ENDOD1: variants seen among roughly 807,000 people sequenced by gnomAD.
The protein encoded by ENDOD1 is endonuclease domain containing 1, also known as endonuclease domain-containing 1 protein.
A neutral mutation model predicts 6.5 loss-of-function variants in ENDOD1; 9 were observed. The ratio of observed to expected loss-of-function variants is 1.39; its 90% confidence interval spans 0.84 to 2.43. The LOEUF is 2.43. ENDOD1 is among the 30% of genes most tolerant of loss of function. The pLI is 0.00. For synonymous variants in ENDOD1, 255 were observed against 255.2 expected, an observed-to-expected ratio of 1.00 and a Z score of 0.01; for missense variants, 648 against 635.5, an observed-to-expected ratio of 1.02 and a Z score of -0.21.
At chr11:95,125,664 A>G (rs765726610) in intron 1 of ENDOD1, among the ~76,000 whole-genome samples, 12 of 147,204 alleles carry the variant, frequency 8.2e-5, no homozygotes, top group Admixed American at 2.1e-4. Context: ...TCATTGTTCA[A>G]TTCCCACCTA....
In ENDOD1 at chr11:95,130,386, G is replaced by A. The variant is rs1171219892; in HGVS notation, c.*807G>A. 6.6e-6 allele frequency: 1 copy of A among 151,896 alleles called. No homozygotes were observed. The highest frequency in any genetic ancestry group is 1.5e-5 in the Non-Finnish European group (1 of 68,012). The allele number at this position is 151,896 out of a possible 1,614,324, so 9.4% of individuals were successfully genotyped here. A position where few individuals can be genotyped will look rare whatever the true frequency, so the allele number is the denominator to read the frequency against. On this transcript the variant is annotated 3_prime_UTR_variant, in exon 2 of 2. Transcript: ENST00000278505. ...CCTCTCCGGTGGAAAGAAGAGAAGA[G>A]AAGGTGGACAGCCCTGCTCTTAGTA...
At chr11:95,112,196 A>G (rs1247434982) in intron 1 of ENDOD1, among the ~76,000 whole-genome samples, 1 of 152,196 alleles carries the variant, frequency 6.6e-6, no homozygotes, top group Non-Finnish European at 1.5e-5. Context: ...GCATGACCCT[A>G]GACAACTGAT....
intron 1 of ENDOD1, among the ~76,000 whole-genome samples, chr11:95,096,752 C>A (rs1433558180): frequency 6.6e-6 from 1 of 152,134 alleles, no homozygotes; most frequent in African/African-American, 2.4e-5. Flanking sequence ...TATTGAGCAT[C>A]TGCTATGTGT....
intron 1 of ENDOD1, among the ~76,000 whole-genome samples, chr11:95,098,065 A>G (rs1163718485): frequency 6.6e-6 from 1 of 152,148 alleles, no homozygotes; most frequent in African/African-American, 2.4e-5. Flanking sequence ...AAATGCTTTA[A>G]TGAGCATTTC....
chr11:95,125,591 C>A (rs1281500454), intron 1 of ENDOD1, among the ~76,000 whole-genome samples: 1 of 149,252 alleles, frequency 6.7e-6, no homozygotes, highest in Non-Finnish European at 1.5e-5. Flanking sequence ...TATCCCTCCC[C>A]CCTCCCCCAA....
At chr11:95,096,670 A>C (rs951332033) in intron 1 of ENDOD1, among the ~76,000 whole-genome samples, 2 of 152,178 alleles carry the variant, frequency 1.3e-5, no homozygotes, top group Admixed American at 1.3e-4. Flanking sequence ...ATTGACTTCC[A>C]GTTGGCAGGG....
chr11:95,106,218 A>G (rs1162543986), intron 1 of ENDOD1, among the ~76,000 whole-genome samples: 1 of 152,200 alleles, frequency 6.6e-6, no homozygotes, highest in Non-Finnish European at 1.5e-5. Flanking sequence ...TCTGGAAGAC[A>G]AAGGATGGAC....
At chr11:95,095,169 A>C (rs1858971781) in intron 1 of ENDOD1, among the ~76,000 whole-genome samples, 1 of 152,372 alleles carries the variant, frequency 6.6e-6, no homozygotes, top group Non-Finnish European at 1.5e-5. Flanking sequence ...TGCTTGGTGT[A>C]TGTCCCACAT....
At chr11:95,109,603 C>G (rs1200594016) in intron 1 of ENDOD1, among the ~76,000 whole-genome samples, 2 of 152,260 alleles carry the variant, frequency 1.3e-5, no homozygotes, top group African/African-American at 4.8e-5. Flanking sequence ...GCAGACTCCT[C>G]TGCTTTGTCT....
chr11:95,101,891 A>G (rs1358447129), intron 1 of ENDOD1, among the ~76,000 whole-genome samples: 2 of 152,240 alleles, frequency 1.3e-5, no homozygotes, highest in Admixed American at 6.5e-5. Context: ...CAGGACTTCA[A>G]ATATAAAGTC....
intron 1 of ENDOD1, among the ~76,000 whole-genome samples, chr11:95,124,508 C>G (rs1216394820): frequency 6.6e-6 from 1 of 152,014 alleles, no homozygotes; most frequent in Non-Finnish European, 1.5e-5. Context: ...ATATGAGGTT[C>G]TGAAGAAAGC....
At position 95,129,328 on chromosome 11, in the gene ENDOD1, T is replaced by C; in HGVS notation, c.1252T>C (p.Cys418Arg). The C allele has an allele frequency of 6.2e-7, 1 of 1,614,204 alleles. No individual in the cohort carries two copies. Among genetic ancestry groups the C allele is most frequent in the Non-Finnish European group, 8.5e-7 (1 of 1,180,036 alleles). Reference sequence around the variant, plus strand: ...CAGGGCTCTCCTCCGGATCCTTTGTTGTCTGCTGAAGGCCATTTGCCGAGT... The same window carrying C: ...CAGGGCTCTCCTCCGGATCCTTTGTCGTCTGCTGAAGGCCATTTGCCGAGT... The part of the protein sequence containing the change: ...VIRALLRILC[C>R]LLKAICRVLS... The change falls in exon 2 of 2, where the codon TGT (cysteine) becomes CGT (arginine). Residue 418 changes from cysteine to arginine, a missense_variant. Coordinates refer to ENST00000278505, the MANE Select transcript of ENDOD1 (RefSeq NM_015036.3).
intron 1 of ENDOD1, among the ~76,000 whole-genome samples, chr11:95,106,268 C>A (rs1859087984): frequency 6.6e-6 from 1 of 152,178 alleles, no homozygotes; most frequent in Non-Finnish European, 1.5e-5. Context: ...TGAGGCTTGG[C>A]ACCCAGATAG....
intron 1 of ENDOD1, among the ~76,000 whole-genome samples, chr11:95,121,755 T>C (rs1859263666): frequency 6.6e-6 from 1 of 152,196 alleles, no homozygotes; most frequent in South Asian, 2.1e-4. Context: ...TATTGTAAGA[T>C]TATTTATGGG....
chr11:95,109,931 C>G (rs1405494300), intron 1 of ENDOD1, among the ~76,000 whole-genome samples: 1 of 152,256 alleles, frequency 6.6e-6, no homozygotes, highest in African/African-American at 2.4e-5. Flanking sequence ...GGGTTCATAT[C>G]CACCACACCT....
At chr11:95,111,943 G>T (rs1363111618) in intron 1 of ENDOD1, among the ~76,000 whole-genome samples, 1 of 152,140 alleles carries the variant, frequency 6.6e-6, no homozygotes, top group Non-Finnish European at 1.5e-5. Flanking sequence ...CAAGGCCGAG[G>T]TCCTCTTTCT....
At position 95,090,083 on chromosome 11, in the gene ENDOD1, C is replaced by T; in HGVS notation, c.156C>T (p.His52=). ...TPPAGLAADS[H]VKICQRAEGA... The stretch of plus-strand genomic sequence containing the variant: ...CTGCGGGGCTGGCGGCCGATTCCCA[C>T]GTGAAGATCTGTCAGCGCGCGGAGG... Residue 52 remains histidine (H), a synonymous_variant, in exon 1 of 2, where the codon CAC becomes CAT. Transcript: ENST00000278505. 1 of 1,601,402 alleles carries T rather than the reference C, an allele frequency of 6.2e-7. No homozygotes were observed. The highest frequency in any genetic ancestry group is 8.5e-7 in the Non-Finnish European group (1 of 1,175,254).
intron 1 of ENDOD1, among the ~76,000 whole-genome samples, chr11:95,122,769 A>G (rs10831307): frequency 0.22 from 32,888 of 152,144 alleles, 3,579 homozygotes; most frequent in Non-Finnish European, 0.23. Flanking sequence ...AAAGCTATTA[A>G]AACATGAGTC....
In ENDOD1 at chr11:95,128,902, A is replaced by C. The variant is rs1421308261; in HGVS notation, c.826A>C (p.Thr276Pro). 2 of 1,614,136 alleles carry C rather than the reference A, an allele frequency of 1.2e-6. No homozygotes were observed. Among genetic ancestry groups the C allele is most frequent in the East Asian group, 2.2e-5 (1 of 44,860 alleles). ...QNNCGETEQD[T>P]EKMKKILEVV... ...CAACTGTGGTGAAACTGAGCAAGAC[A>C]CAGAGAAAATGAAAAAAATCCTGGA... Residue 276 changes from threonine to proline, a missense_variant, in exon 2 of 2, where the codon ACA becomes CCA. By Grantham distance (38) the Thr-to-Pro change is conservative (BLOSUM62 -1). Coordinates refer to ENST00000278505, the MANE Select transcript of ENDOD1 (RefSeq NM_015036.3).
Sources: allele counts gnomAD v4.1 joint callset (sites outside exome capture counted in the v4.1 genomes callset), GRCh38; gene constraint gnomAD v4.1.1; transcripts MANE v1.5; gene names NCBI Gene and HGNC (gene_info 2026-07-23, HGNC 2026-07-21).